CTNNA3: variants seen among roughly 807,000 people sequenced by gnomAD.
CTNNA3 encodes catenin alpha-3.
A neutral mutation model predicts 95.7 loss-of-function variants in CTNNA3; 76 were observed. The observed-to-expected ratio is 0.79, with a 90% CI of 0.66 to 0.96. The LOEUF is 0.96. Among genes scored for constraint, CTNNA3 ranks in the 40% least tolerant of loss-of-function variants. The pLI is 0.00. For synonymous variants in CTNNA3, 431 were observed against 374.4 expected (o/e 1.15, Z -1.74); for missense variants, 1,191 against 1,089.8 (o/e 1.09, Z -1.31).
chr10:67,191,883 A>G (rs558684873), intron 6 of CTNNA3, among the ~76,000 whole-genome samples: 1 of 152,146 alleles, frequency 6.6e-6, no homozygotes, highest in South Asian at 2.1e-4. Context: ...TAGTACTAGC[A>G]TAAAAACATA....
chr10:66,699,023 A>T (rs1447823833), intron 9 of CTNNA3, among the ~76,000 whole-genome samples: 1 of 152,200 alleles, frequency 6.6e-6, no homozygotes, highest in East Asian at 1.9e-4. Context: ...ATATTTGTGT[A>T]TGTCTATATA....
chr10:67,532,902 C>A (rs180739624), intron 4 of CTNNA3, among the ~76,000 whole-genome samples: 17 of 152,326 alleles, frequency 1.1e-4, no homozygotes, highest in South Asian at 2.1e-4. Flanking sequence ...AGCTAATCAA[C>A]AACACAGCCA....
At chr10:67,711,124 T>C (rs1589577948) in intron 1 of CTNNA3, among the ~76,000 whole-genome samples, 1 of 152,364 alleles carries the variant, frequency 6.6e-6, no homozygotes, top group Admixed American at 6.5e-5. Flanking sequence ...CCCAGCCATG[T>C]GGAACTGTAA....
chr10:67,179,718 T>C (rs1360039516), intron 7 of CTNNA3, among the ~76,000 whole-genome samples: 1 of 151,924 alleles, frequency 6.6e-6, no homozygotes, highest in Non-Finnish European at 1.5e-5. Flanking sequence ...TCCAAGCTAC[T>C]TGGGAGGCTG....
At chr10:66,743,204 A>G (rs1322632922) in intron 9 of CTNNA3, among the ~76,000 whole-genome samples, 1 of 152,182 alleles carries the variant, frequency 6.6e-6, no homozygotes, top group East Asian at 1.9e-4. Context: ...TGTATTTTAC[A>G]GGGATAAACT....
chr10:67,065,991 T>G (rs1002081181), intron 7 of CTNNA3, among the ~76,000 whole-genome samples: 1 of 152,156 alleles, frequency 6.6e-6, no homozygotes, highest in Admixed American at 6.5e-5. Context: ...GATTGTCATA[T>G]TTTGACAAAA....
intron 17 of CTNNA3, among the ~76,000 whole-genome samples, chr10:65,960,863 A>T (rs150165744): frequency 1.3e-5 from 2 of 152,220 alleles, no homozygotes; most frequent in Admixed American, 6.5e-5. Context: ...ATTCTTTTAT[A>T]TGACTGCATA....
intron 7 of CTNNA3, among the ~76,000 whole-genome samples, chr10:67,144,325 T>C (rs1422179206): frequency 2.0e-5 from 3 of 152,224 alleles, no homozygotes; most frequent in African/African-American, 7.2e-5. Context: ...TAATGAGCAT[T>C]GGTTTCAAGT....
At chr10:66,729,500 A>C (rs1355733318) in intron 9 of CTNNA3, among the ~76,000 whole-genome samples, 1 of 152,224 alleles carries the variant, frequency 6.6e-6, no homozygotes, top group Non-Finnish European at 1.5e-5. Flanking sequence ...AGCAATGTGG[A>C]TGGAATTGGA....
At chr10:66,241,512 C>T (rs934816635) in intron 13 of CTNNA3, among the ~76,000 whole-genome samples, 2 of 152,014 alleles carry the variant, frequency 1.3e-5, no homozygotes, top group African/African-American at 2.4e-5. Flanking sequence ...AGAATATAAT[C>T]GGAAATCATT....
intron 13 of CTNNA3, among the ~76,000 whole-genome samples, chr10:66,229,934 T>A (rs2089505813): frequency 6.6e-6 from 1 of 152,072 alleles, no homozygotes; most frequent in Non-Finnish European, 1.5e-5. Context: ...TTTTCTTTTC[T>A]CCTCTTTTTT....
In CTNNA3 at chr10:66,904,966, T is replaced by C. The variant is rs192413364; in HGVS notation, c.1048-129442A>G. 1.1e-3 allele frequency among the ~76,000 whole-genome samples: 167 copies of C among 152,304 alleles called. 2 individuals are homozygous for C. The highest frequency in any genetic ancestry group is 3.9e-3 in the African/African-American group (164 of 41,570). The stretch of plus-strand genomic sequence containing the variant: ...ACCATTATGGACGACAGTGTGGCAA[T>C]TCCTCAAGGATCTAGAAGTAGAAAT... On this transcript the variant is annotated intron_variant, in intron 7 of 17. Coordinates refer to ENST00000433211, the MANE Select transcript of CTNNA3 (RefSeq NM_013266.4).
chr10:66,010,049 G>T (rs1461153151), intron 15 of CTNNA3, among the ~76,000 whole-genome samples: 1 of 152,154 alleles, frequency 6.6e-6, no homozygotes, highest in African/African-American at 2.4e-5. Flanking sequence ...GAAGAAAAAG[G>T]TATTCATTTT....
chr10:67,515,634 A>C (rs1839788236), intron 5 of CTNNA3, among the ~76,000 whole-genome samples: 1 of 152,254 alleles, frequency 6.6e-6, no homozygotes, highest in Non-Finnish European at 1.5e-5. Context: ...CTGGTAAATA[A>C]GAAATAGAAT....
Position 66,069,429 on chromosome 10 carries a change from A to C in CTNNA3, c.2038T>G (p.Phe680Val). 1 of 1,613,562 alleles carries C rather than the reference A, an allele frequency of 6.2e-7. No individual in the cohort carries two copies. The highest frequency in any genetic ancestry group is 8.5e-7 in the Non-Finnish European group (1 of 1,179,734). The change falls in exon 15 of 18, where the codon TTC (phenylalanine) becomes GTC (valine). Residue 680 changes from phenylalanine (F) to valine (V), a missense_variant. Transcript: ENST00000433211. ...KEKIAEQVAD[F>V]KKVKSKLDAE... The stretch of plus-strand genomic sequence containing the variant: ...TCCAGCTTACTCTTTACTTTCTTGA[A>C]ATCAGCAACTTGCTCAGCAATCTTT...
intron 2 of CTNNA3, among the ~76,000 whole-genome samples, chr10:67,625,442 C>G (rs1838920636): frequency 6.6e-6 from 1 of 152,098 alleles, no homozygotes; most frequent in South Asian, 2.1e-4. Context: ...CATCATCTTC[C>G]CATTTTTATA....
chr10:66,859,334 C>T (rs1229409533), intron 7 of CTNNA3, among the ~76,000 whole-genome samples: 1 of 151,654 alleles, frequency 6.6e-6, no homozygotes, highest in Non-Finnish European at 1.5e-5. Flanking sequence ...AAACAAACAA[C>T]CCCATCAAAA....
At chr10:67,090,931 T>G (rs562768353) in intron 7 of CTNNA3, among the ~76,000 whole-genome samples, 1 of 152,190 alleles carries the variant, frequency 6.6e-6, no homozygotes, top group Non-Finnish European at 1.5e-5. Flanking sequence ...CACTTATATT[T>G]TATCAACTGC....
chr10:67,504,325 C>T (rs551542260), intron 5 of CTNNA3, among the ~76,000 whole-genome samples: 13 of 144,182 alleles, frequency 9.0e-5, no homozygotes, highest in East Asian at 4.3e-4. Flanking sequence ...TGATGGCAGG[C>T]GCCTGTAGTC....
Sources: allele counts gnomAD v4.1 joint callset (sites outside exome capture counted in the v4.1 genomes callset), GRCh38; gene constraint gnomAD v4.1.1; transcripts MANE v1.5; gene names NCBI Gene and HGNC (gene_info 2026-07-23, HGNC 2026-07-21).